TFCP2: variants seen among roughly 807,000 people sequenced by gnomAD.
The protein encoded by TFCP2 is alpha-globin transcription factor CP2.
A neutral mutation model predicts 73.4 loss-of-function variants in TFCP2; 33 were observed. The observed-to-expected ratio is 0.45, with a 90% CI of 0.34 to 0.60. The LOEUF is 0.60. Among genes scored for constraint, TFCP2 ranks in the 20% least tolerant of loss-of-function variants. The pLI, the probability that TFCP2 is intolerant of heterozygous loss-of-function variation, is 0.01. For synonymous variants in TFCP2, 193 were observed against 211.6 expected (o/e 0.91, Z 0.76); for missense variants, 352 against 604.0 (o/e 0.58, Z 4.37).
chr12:51,100,318 C>A (rs1225134049), intron 11 of TFCP2, among the ~76,000 whole-genome samples: 1 of 152,136 alleles, frequency 6.6e-6, no homozygotes, highest in Admixed American at 6.5e-5. Context: ...CCTAACTAGC[C>A]TAAGTCCTTT....
At chr12:51,150,818 T>C (rs1941406623) in intron 1 of TFCP2, among the ~76,000 whole-genome samples, 1 of 152,332 alleles carries the variant, frequency 6.6e-6, no homozygotes, top group Non-Finnish European at 1.5e-5. Flanking sequence ...AGTGAATTCA[T>C]TCATTCAACA....
chr12:51,150,114 CT>C (rs2137028332), intron 1 of TFCP2, among the ~76,000 whole-genome samples: 1 of 152,194 alleles, frequency 6.6e-6, no homozygotes, highest in South Asian at 2.1e-4. Context: ...GCAGTGCCAT[CT>C]TTTAAAAAGT....
At chr12:51,156,253 T>C (rs959329153) in intron 1 of TFCP2, among the ~76,000 whole-genome samples, 1 of 151,936 alleles carries the variant, frequency 6.6e-6, no homozygotes, top group Non-Finnish European at 1.5e-5. Context: ...ATGGTGCCAG[T>C]ATCTGCTTCT....
intron 3 of TFCP2, 39 bp from the exon 4 acceptor site, chr12:51,116,459 C>A: frequency 1.7e-6 from 2 of 1,183,294 alleles, no homozygotes; most frequent in South Asian, 1.6e-5. Flanking sequence ...AACAAGACCT[C>A]TTGAAAATCA....
chr12:51,138,217 C>G (rs1413190167), intron 1 of TFCP2, among the ~76,000 whole-genome samples: 2 of 152,170 alleles, frequency 1.3e-5, no homozygotes, highest in Non-Finnish European at 2.9e-5. Context: ...TCTCGGCTCA[C>G]TACAACCTAC....
At chr12:51,095,344 A>T in intron 14 of TFCP2, 66 bp from the exon 15 acceptor site, 3 of 1,542,602 alleles carry the variant, frequency 1.9e-6, no homozygotes, top group South Asian at 2.2e-5. Context: ...GGAGAAAAAA[A>T]GTATGGTAAG....
intron 1 of TFCP2, among the ~76,000 whole-genome samples, chr12:51,148,743 G>A (rs1369525865): frequency 8.7e-5 from 13 of 148,900 alleles, no homozygotes; most frequent in Non-Finnish European, 1.0e-4. Context: ...GTGGTATATA[G>A]GCCAGGTGCA....
At chr12:51,143,048 T>C (rs1279003685) in intron 1 of TFCP2, among the ~76,000 whole-genome samples, 1 of 152,094 alleles carries the variant, frequency 6.6e-6, no homozygotes, top group African/African-American at 2.4e-5. Flanking sequence ...CTCAACTCCC[T>C]TGTGGCAACC....
chr12:51,153,908 T>C lies in TFCP2; in HGVS notation c.122+18393A>G, dbSNP rs149650413. Among the ~76,000 whole-genome samples the C allele has an allele frequency of 1.2e-3, 176 of 152,344 alleles. 1 individual carries two copies. The highest frequency in any genetic ancestry group is 1.3e-3 in the Non-Finnish European group (90 of 68,040). ...GAATATACACTCAGAAGTGAAACAGTTGTATCATAATTCTACATTTAATTT... is the reference window on the plus strand; with the variant it reads ...GAATATACACTCAGAAGTGAAACAGCTGTATCATAATTCTACATTTAATTT... On this transcript the variant is annotated intron_variant, in intron 1 of 14. Transcript: ENST00000257915.
chr12:51,113,088 CT>C (rs1359024028), intron 4 of TFCP2, among the ~76,000 whole-genome samples: 1 of 151,442 alleles, frequency 6.6e-6, no homozygotes, highest in Non-Finnish European at 1.5e-5. Flanking sequence ...ATTATCAGAA[CT>C]GTGGTATTAA....
In TFCP2 at chr12:51,094,887, A is replaced by G. The variant is rs1299358453; in HGVS notation, c.*354T>C. 4.2e-6 allele frequency: 1 copy of G among 239,034 alleles called. No homozygotes were observed. Among genetic ancestry groups the G allele is most frequent in the Non-Finnish European group, 8.1e-6 (1 of 122,722 alleles). 14.8% of individuals were successfully genotyped at this position (239,034 alleles called of 1,614,324 possible). ...TATAAGAAAAAAATTACAGGGCTCC[A>G]TATCACAAAATTTAAGATCTTCCTG... On this transcript the variant is annotated 3_prime_UTR_variant, in exon 15 of 15. Transcript: ENST00000257915.
intron 4 of TFCP2, among the ~76,000 whole-genome samples, chr12:51,112,194 AATTGTAC>A (rs796421900): frequency 3.2e-4 from 49 of 152,238 alleles, no homozygotes; most frequent in African/African-American, 1.1e-3. Context: ...GAGAAATAAT[AATTGTAC>A]ATATTCATGG....
chr12:51,110,869 C>T lies in TFCP2; in HGVS notation c.564+8G>A, dbSNP rs372623340. On this transcript the variant is annotated splice_region_variant and intron_variant, in intron 5 of 14. Coordinates refer to ENST00000257915, the MANE Select transcript of TFCP2 (RefSeq NM_005653.5). ...TTCAAAACTGGAACCCTATCTGCAACGCCTTACCTGAATAAACACAGATGT... is the reference window on the plus strand; with the variant it reads ...TTCAAAACTGGAACCCTATCTGCAATGCCTTACCTGAATAAACACAGATGT... 360 of 1,595,140 alleles carry T rather than the reference C, an allele frequency of 2.3e-4. No individual in the cohort carries two copies. Among genetic ancestry groups the T allele is most frequent in the Non-Finnish European group, 3.0e-4 (345 of 1,163,154 alleles).
intron 5 of TFCP2, among the ~76,000 whole-genome samples, chr12:51,110,647 T>C (rs1039897967): frequency 1.3e-5 from 2 of 152,210 alleles, no homozygotes; most frequent in Non-Finnish European, 2.9e-5. Flanking sequence ...TGAAATATTA[T>C]GCAGCCATTA....
chr12:51,147,050 A>G (rs898367346), intron 1 of TFCP2, among the ~76,000 whole-genome samples: 4 of 152,216 alleles, frequency 2.6e-5, no homozygotes, highest in Admixed American at 6.5e-5. Context: ...TGCTGTGCAT[A>G]TAAAACATTA....
At chr12:51,102,486 G>C (rs1312943931) in intron 10 of TFCP2, among the ~76,000 whole-genome samples, 1 of 152,146 alleles carries the variant, frequency 6.6e-6, no homozygotes, top group African/African-American at 2.4e-5. Flanking sequence ...AGCACTTTGG[G>C]ATGTCGAGGA....
chr12:51,160,034 T>C (rs1054443429), intron 1 of TFCP2, among the ~76,000 whole-genome samples: 1 of 151,980 alleles, frequency 6.6e-6, no homozygotes, highest in Non-Finnish European at 1.5e-5. Context: ...CCAAAGGAGA[T>C]GCATCAGACA....
At chr12:51,116,462 G>A in intron 3 of TFCP2, 42 bp from the exon 4 acceptor site, 1 of 1,114,762 alleles carries the variant, frequency 9.0e-7, no homozygotes. Context: ...AAGACCTCTT[G>A]AAAATCAGTG....
In TFCP2 at chr12:51,110,919, C is replaced by T; in HGVS notation, c.522G>A (p.Glu174=). Residue 174 remains glutamate (E), a synonymous_variant, in exon 5 of 15, where the codon GAG becomes GAA. Coordinates refer to ENST00000257915, the MANE Select transcript of TFCP2 (RefSeq NM_005653.5). The stretch of plus-strand genomic sequence containing the variant: ...TCCTCTTTGCAGGGTCCCACAGGAA[C>T]TCCACTGTATTTAGTTGAGTTGGAT... ...RANPTQLNTV[E]FLWDPAKRTS... is the part of the protein sequence containing the mutation. The T allele has an allele frequency of 6.2e-7, 1 of 1,614,062 alleles. No individual in the cohort carries two copies. Among genetic ancestry groups the T allele is most frequent in the Non-Finnish European group, 8.5e-7 (1 of 1,179,970 alleles).
Sources: gnomAD v4.1 joint callset for allele counts (sites outside exome capture counted in the v4.1 genomes callset) on GRCh38, gnomAD v4.1.1 for gene constraint, MANE v1.5 for transcripts, NCBI Gene and HGNC (gene_info 2026-07-23, HGNC 2026-07-21) for gene names.